CDH12: variants seen among roughly 807,000 people sequenced by gnomAD.
CDH12 encodes the protein cadherin 12.
CDH12 carries 41 observed loss-of-function variants against 74.1 expected under a neutral mutation model. That is an observed-to-expected ratio of 0.55 (90% confidence interval 0.43 to 0.72). The LOEUF is 0.72. Among genes scored for constraint, CDH12 ranks in the 30% least tolerant of loss-of-function variants. The pLI is 0.00. For missense variants in CDH12, 945 were observed against 977.2 expected (o/e 0.97, Z 0.44); for synonymous variants, 399 against 355.0 (o/e 1.12, Z -1.39).
intron 1 of CDH12, among the ~76,000 whole-genome samples, chr5:22,642,082 A>T (rs1310945413): frequency 6.6e-6 from 1 of 152,246 alleles, no homozygotes; most frequent in Non-Finnish European, 1.5e-5. Flanking sequence ...ACAATGTAGC[A>T]CTTAGGAATA....
chr5:22,831,893 T>TC (rs576919790), intron 1 of CDH12, among the ~76,000 whole-genome samples: 51 of 150,752 alleles, frequency 3.4e-4, no homozygotes, highest in Middle Eastern at 3.4e-3. Context: ...CAAGACTCTG[T>TC]CCCCCCCAAA....
chr5:22,568,530 C>T (rs918829), intron 1 of CDH12, among the ~76,000 whole-genome samples: 22,197 of 152,040 alleles, frequency 0.15, 2,258 homozygotes, highest in East Asian at 0.36. Flanking sequence ...CACCCAAATT[C>T]AATAACTCCT....
intron 6 of CDH12, among the ~76,000 whole-genome samples, chr5:21,861,604 C>A (rs1322247449): frequency 1.3e-5 from 2 of 152,042 alleles, no homozygotes; most frequent in East Asian, 3.9e-4. Context: ...ATCCATCTCA[C>A]AATTTTTAAC....
At chr5:22,840,216 G>C (rs1385047181) in intron 1 of CDH12, among the ~76,000 whole-genome samples, 1 of 152,110 alleles carries the variant, frequency 6.6e-6, no homozygotes, top group Non-Finnish European at 1.5e-5. Context: ...TGCCTCCTGG[G>C]TTCAAGTGAT....
At chr5:21,866,674 GT>G (rs1286145586) in intron 6 of CDH12, among the ~76,000 whole-genome samples, 2 of 152,184 alleles carry the variant, frequency 1.3e-5, no homozygotes, top group South Asian at 4.1e-4. Context: ...GAGCATAAAA[GT>G]TTGGGAAATT....
intron 1 of CDH12, among the ~76,000 whole-genome samples, chr5:22,831,367 G>GTC (rs1353102339): frequency 6.2e-4 from 83 of 133,330 alleles, no homozygotes; most frequent in South Asian, 1.5e-3. Flanking sequence ...GTGTGTGTGT[G>GTC]TGTCTGTGTG....
chr5:21,984,742 A>T (rs558774049), intron 5 of CDH12, among the ~76,000 whole-genome samples: 1 of 152,326 alleles, frequency 6.6e-6, no homozygotes, highest in South Asian at 2.1e-4. Context: ...ATTAAGTAAA[A>T]CTTGCAATCA....
At chr5:22,544,431 T>C (rs1401204599) in intron 1 of CDH12, among the ~76,000 whole-genome samples, 2 of 152,220 alleles carry the variant, frequency 1.3e-5, no homozygotes, top group African/African-American at 4.8e-5. Flanking sequence ...TTTTACCATA[T>C]GTTCAAAATC....
chr5:22,234,471 G>A (rs1752491836), intron 3 of CDH12, among the ~76,000 whole-genome samples: 1 of 152,028 alleles, frequency 6.6e-6, no homozygotes, highest in African/African-American at 2.4e-5. Context: ...TGTCAAAAGT[G>A]CCTTTCACCT....
intron 10 of CDH12, among the ~76,000 whole-genome samples, chr5:21,795,606 T>C (rs976703397): frequency 1.1e-4 from 17 of 151,982 alleles, no homozygotes; most frequent in Admixed American, 6.6e-4. Flanking sequence ...ATGCCAGATA[T>C]TGCTCTAGAA....
At chr5:22,463,963 G>A (rs1745624442) in intron 2 of CDH12, among the ~76,000 whole-genome samples, 1 of 152,074 alleles carries the variant, frequency 6.6e-6, no homozygotes, top group Non-Finnish European at 1.5e-5. Flanking sequence ...ATTTGATATG[G>A]TTTGGTTGTA....
At chr5:22,717,243 C>A (rs1192862314) in intron 1 of CDH12, among the ~76,000 whole-genome samples, 7 of 152,014 alleles carry the variant, frequency 4.6e-5, no homozygotes, top group Non-Finnish European at 1.0e-4. Flanking sequence ...TACAGGTGAA[C>A]CTTTTTTTTT....
intron 3 of CDH12, among the ~76,000 whole-genome samples, chr5:22,362,160 A>G (rs1245015039): frequency 6.6e-6 from 1 of 152,216 alleles, no homozygotes; most frequent in Non-Finnish European, 1.5e-5. Context: ...AGAATGGGAG[A>G]AAATTTTTGC....
At chr5:21,758,048 T>C (rs1023524923) in intron 13 of CDH12, among the ~76,000 whole-genome samples, 7 of 152,316 alleles carry the variant, frequency 4.6e-5, no homozygotes, top group African/African-American at 2.4e-5. Flanking sequence ...GAATATGTTA[T>C]ATTCTTGCTT....
chr5:22,267,728 G>T (rs72742063), intron 3 of CDH12, among the ~76,000 whole-genome samples: 11,051 of 152,162 alleles, frequency 0.073, 534 homozygotes, highest in South Asian at 0.16. Context: ...TCTGTATAAG[G>T]TTGTGTTGCC....
intron 1 of CDH12, among the ~76,000 whole-genome samples, chr5:22,618,155 G>T (rs367857996): frequency 6.6e-6 from 1 of 152,022 alleles, no homozygotes; most frequent in East Asian, 1.9e-4. Context: ...GTTTGCAGAT[G>T]TCAAAATTAT....
intron 3 of CDH12, among the ~76,000 whole-genome samples, chr5:22,246,141 A>C (rs1202577591): frequency 2.0e-5 from 3 of 152,318 alleles, no homozygotes; most frequent in South Asian, 2.1e-4. Context: ...TATATTTTGA[A>C]TAAGCATTAC....
intron 2 of CDH12, among the ~76,000 whole-genome samples, chr5:22,467,455 A>G (rs1745783212): frequency 6.6e-6 from 1 of 151,668 alleles, no homozygotes; most frequent in Non-Finnish European, 1.5e-5. Context: ...ACATCCTGTC[A>G]CTCTCTGTCT....
intron 3 of CDH12, among the ~76,000 whole-genome samples, chr5:22,378,633 T>G (rs2126373391): frequency 6.6e-6 from 1 of 152,240 alleles, no homozygotes; most frequent in Non-Finnish European, 1.5e-5. Flanking sequence ...ACTTGAACAT[T>G]TATTGCATGC....
Sources: gnomAD v4.1 joint callset for allele counts (sites outside exome capture counted in the v4.1 genomes callset) on GRCh38, gnomAD v4.1.1 for gene constraint, MANE v1.5 for transcripts, NCBI Gene and HGNC (gene_info 2026-07-23, HGNC 2026-07-21) for gene names.